PLEKHM3: variants seen among roughly 807,000 people sequenced by gnomAD.
The protein encoded by PLEKHM3 is pleckstrin homology domain containing M3.
Under a neutral mutation model 81.8 loss-of-function variants are expected in PLEKHM3, and 45 were observed. The observed-to-expected ratio is 0.55, with a 90% CI of 0.43 to 0.71. PLEKHM3 has a LOEUF of 0.71. PLEKHM3 is among the 30% of genes least tolerant of loss of function. The pLI, the probability that PLEKHM3 is intolerant of heterozygous loss-of-function variation, is 0.00. For synonymous variants in PLEKHM3, 352 were observed against 356.4 expected, an observed-to-expected ratio of 0.99 and a Z score of 0.14; for missense variants, 788 against 924.3, an observed-to-expected ratio of 0.85 and a Z score of 1.91.
At chr2:207,887,521 C>A (rs562023457) in intron 6 of PLEKHM3, among the ~76,000 whole-genome samples, 23 of 152,260 alleles carry the variant, frequency 1.5e-4, no homozygotes, top group African/African-American at 5.1e-4. Context: ...TTGGAGTAAA[C>A]AACAGAATTA....
chr2:207,837,618 T>C (rs1400961262), intron 7 of PLEKHM3, among the ~76,000 whole-genome samples: 1 of 140,174 alleles, frequency 7.1e-6, no homozygotes, highest in African/African-American at 2.7e-5. Flanking sequence ...AAAATAAAAT[T>C]ACAATAGTTC....
intron 1 of PLEKHM3, among the ~76,000 whole-genome samples, chr2:208,004,668 G>C (rs969644451): frequency 3.9e-5 from 6 of 152,024 alleles, no homozygotes; most frequent in African/African-American, 1.5e-4. Flanking sequence ...TCTTCCCCCA[G>C]ATACCCCAAC....
chr2:207,949,670 A>C (rs1690265835), intron 3 of PLEKHM3, among the ~76,000 whole-genome samples: 1 of 152,226 alleles, frequency 6.6e-6, no homozygotes, highest in Non-Finnish European at 1.5e-5. Flanking sequence ...TGAACACTAA[A>C]ATGACACTGA....
chr2:207,826,227 C>T lies in PLEKHM3; in HGVS notation c.*2092G>A, dbSNP rs931605954. The T allele has an allele frequency of 6.6e-6, 1 of 152,150 alleles. No individual in the cohort carries two copies. Among genetic ancestry groups the T allele is most frequent in the Admixed American group, 6.5e-5 (1 of 15,278 alleles). 9.4% of individuals were successfully genotyped at this position (152,150 alleles called of 1,614,324 possible). ...CACATCTGTTTTATAATAAGCAGGT[C>T]TATAATTCTCTTGTGAAAGATCATG... On this transcript the variant is annotated 3_prime_UTR_variant, in exon 8 of 8. Coordinates refer to ENST00000427836, the MANE Select transcript of PLEKHM3 (RefSeq NM_001080475.3).
intron 3 of PLEKHM3, among the ~76,000 whole-genome samples, chr2:207,950,213 C>T (rs1258782138): frequency 2.6e-5 from 4 of 152,204 alleles, no homozygotes; most frequent in African/African-American, 9.7e-5. Context: ...GGCTATCCTA[C>T]TCCTGGTGCT....
rs1559212735 is a variant in PLEKHM3 at position 207,865,797 on chromosome 2, A to ATATAT, written c.1951-4536_1951-4535insATATA. Among the ~76,000 whole-genome samples the ATATAT allele has an allele frequency of 1.6e-4, 6 of 38,108 alleles. 1 individual carries two copies. The highest frequency in any genetic ancestry group is 6.7e-4 in the African/African-American group (5 of 7,438). The allele number at this position is 38,108 out of a possible 152,430, so 25.0% of individuals were successfully genotyped here. ...ACTCCGACTCAAAAAAAAAAAAAAA[A>ATATAT]AAAAAGATATATATATATATATATA... On this transcript the variant is annotated intron_variant, in intron 6 of 7. Coordinates refer to ENST00000427836, the MANE Select transcript of PLEKHM3 (RefSeq NM_001080475.3).
rs1007478675 is a variant in PLEKHM3 at position 207,823,220 on chromosome 2, CACTT to C, written c.*5095_*5098del. On this transcript the variant is annotated 3_prime_UTR_variant, in exon 8 of 8. Transcript: ENST00000427836. ...ATCCAAAGCAAAACAGCAGTTGTCT[CACTT>C]GAGTTTAGCAATGCTTTCCATCACA... 2 of 152,162 alleles carry C rather than the reference CACTT, an allele frequency of 1.3e-5. No homozygotes were observed. Among genetic ancestry groups the C allele is most frequent in the East Asian group, 1.9e-4 (1 of 5,202 alleles). The allele number at this position is 152,162 out of a possible 1,614,324, so 9.4% of individuals were successfully genotyped here.
At chr2:207,870,914 C>T (rs1204819134) in intron 6 of PLEKHM3, among the ~76,000 whole-genome samples, 1 of 151,978 alleles carries the variant, frequency 6.6e-6, no homozygotes, top group African/African-American at 2.4e-5. Flanking sequence ...TCCAGACCAG[C>T]CTGGCAATGA....
chr2:207,918,683 A>G (rs1689081141), intron 5 of PLEKHM3, among the ~76,000 whole-genome samples: 1 of 152,232 alleles, frequency 6.6e-6, no homozygotes. Flanking sequence ...GATGAACAGT[A>G]TTCTTTTGTA....
intron 1 of PLEKHM3, among the ~76,000 whole-genome samples, chr2:208,024,060 T>G (rs750286903): frequency 8.6e-5 from 13 of 151,536 alleles, no homozygotes; most frequent in Non-Finnish European, 1.5e-4. Context: ...GAAGGATCGC[T>G]TGAGTCCAGG....
chr2:207,827,279 C>T lies in PLEKHM3; in HGVS notation c.*1040G>A, dbSNP rs2092256456. 1 of 151,912 alleles carries T rather than the reference C, an allele frequency of 6.6e-6. No homozygotes were observed. The highest frequency in any genetic ancestry group is 1.5e-5 in the Non-Finnish European group (1 of 67,994). 9.4% of individuals were successfully genotyped at this position (151,912 alleles called of 1,614,324 possible). A position where few individuals can be genotyped will look rare whatever the true frequency, so the allele number is the denominator to read the frequency against. ...CGAAATGAAAGTGCAGGAAGAACAA[C>T]GAGAAATAAAGCACTTAAAATGAAT... is the stretch of plus-strand genomic sequence containing the variant. On this transcript the variant is annotated 3_prime_UTR_variant, in exon 8 of 8. Transcript: ENST00000427836.
At chr2:207,877,746 A>G (rs1000790304) in intron 6 of PLEKHM3, among the ~76,000 whole-genome samples, 1 of 152,212 alleles carries the variant, frequency 6.6e-6, no homozygotes, top group Non-Finnish European at 1.5e-5. Flanking sequence ...ATGTATGTGA[A>G]GCTACTACTG....
At chr2:207,935,265 T>G (rs1689712245) in intron 4 of PLEKHM3, among the ~76,000 whole-genome samples, 1 of 152,180 alleles carries the variant, frequency 6.6e-6, no homozygotes, top group South Asian at 2.1e-4. Context: ...TGAGACATCT[T>G]GTACCGAAGA....
intron 7 of PLEKHM3, among the ~76,000 whole-genome samples, chr2:207,850,911 T>C (rs1279317097): frequency 1.3e-5 from 2 of 151,746 alleles, no homozygotes; most frequent in East Asian, 1.9e-4. Context: ...TCCCAGCACT[T>C]TGGGAGGCCA....
chr2:207,924,341 G>C (rs898581877), intron 5 of PLEKHM3, among the ~76,000 whole-genome samples: 32 of 152,164 alleles, frequency 2.1e-4, no homozygotes, highest in Non-Finnish European at 4.1e-4. Flanking sequence ...CTTATAGTCA[G>C]TGTCGATTTA....
chr2:207,902,462 A>C (rs909742008), intron 6 of PLEKHM3, among the ~76,000 whole-genome samples: 4 of 152,162 alleles, frequency 2.6e-5, no homozygotes, highest in Non-Finnish European at 5.9e-5. Context: ...CACTGTTTGA[A>C]TTACTTCTTT....
chr2:207,887,878 C>T (rs369917402), intron 6 of PLEKHM3, among the ~76,000 whole-genome samples: 3 of 152,100 alleles, frequency 2.0e-5, no homozygotes, highest in Non-Finnish European at 4.4e-5. Flanking sequence ...TGGACAAGTA[C>T]GTATTTGGCT....
rs186491202 is a variant in PLEKHM3 at position 207,951,355 on chromosome 2, A to G, written c.1547-4843T>C. The stretch of plus-strand genomic sequence containing the variant: ...TTATTTACATATTATATTTTTATGT[A>G]CTTTCAAACAGACTTTTCAGCAATG... On this transcript the variant is annotated intron_variant, in intron 3 of 7. Coordinates refer to ENST00000427836, the MANE Select transcript of PLEKHM3 (RefSeq NM_001080475.3). Among the ~76,000 whole-genome samples, 202 of 152,372 alleles carry G rather than the reference A, an allele frequency of 1.3e-3. 2 individuals are homozygous for G. Among genetic ancestry groups the G allele is most frequent in the Admixed American group, 9.8e-3 (150 of 15,306 alleles).
intron 2 of PLEKHM3, among the ~76,000 whole-genome samples, chr2:207,978,318 T>C (rs944388167): frequency 6.6e-6 from 1 of 151,442 alleles, no homozygotes; most frequent in African/African-American, 2.4e-5. Context: ...TCTATTAGGG[T>C]GGTGCAAAAG....
Sources: gnomAD v4.1 joint callset for allele counts (sites outside exome capture counted in the v4.1 genomes callset) on GRCh38, gnomAD v4.1.1 for gene constraint, MANE v1.5 for transcripts, NCBI Gene and HGNC (gene_info 2026-07-23, HGNC 2026-07-21) for gene names.